LAMA2: variants seen among roughly 807,000 people sequenced by gnomAD.
The protein encoded by LAMA2 is laminin subunit alpha 2, also known as laminin subunit alpha-2.
A neutral mutation model predicts 364.8 loss-of-function variants in LAMA2; 269 were observed. The ratio of observed to expected loss-of-function variants is 0.74; its 90% CI spans 0.67 to 0.82. The LOEUF (loss-of-function observed/expected upper bound fraction) is 0.82. LAMA2 is among the 40% of genes least tolerant of loss of function. The probability of loss-of-function intolerance (pLI) is 0.00; values close to 1 mark genes in which losing one functional copy is unlikely to be tolerated. For missense variants in LAMA2, 3,807 were observed against 3,873.2 expected (o/e 0.98, Z 0.45); for synonymous variants, 1,379 against 1,370.6 (o/e 1.01, Z -0.14).
At chr6:129,369,201 T>G (rs1048423293) in intron 33 of LAMA2, among the ~76,000 whole-genome samples, 1 of 152,144 alleles carries the variant, frequency 6.6e-6, no homozygotes, top group Non-Finnish European at 1.5e-5. Flanking sequence ...AATGGGAGGT[T>G]GGGGTAGTTT....
At chr6:129,084,343 T>C (rs1156760170) in intron 3 of LAMA2, among the ~76,000 whole-genome samples, 1 of 152,200 alleles carries the variant, frequency 6.6e-6, no homozygotes, top group Non-Finnish European at 1.5e-5. Flanking sequence ...CATCTTTAAA[T>C]AATTTCATTT....
At chr6:129,276,768 CTTAAGT>C (rs1203119022) in intron 17 of LAMA2, among the ~76,000 whole-genome samples, 3 of 152,040 alleles carry the variant, frequency 2.0e-5, no homozygotes, top group African/African-American at 7.2e-5. Flanking sequence ...TAAATACACC[CTTAAGT>C]TTATCTTTTT....
intron 8 of LAMA2, chr6:129,158,197 T>C: frequency 2.5e-6 from 4 of 1,613,586 alleles, no homozygotes; most frequent in Non-Finnish European, 3.4e-6. Context: ...TGGTAATCAG[T>C]AATCAAATAG....
intron 1 of LAMA2, among the ~76,000 whole-genome samples, chr6:128,957,836 A>ATTTTTTTTTTTTTTTTTTTTTTTTTTT (rs10652900): frequency 3.9e-5 from 2 of 51,264 alleles, no homozygotes; most frequent in Non-Finnish European, 6.8e-5. Flanking sequence ...TACTTCATGC[A>ATTTTTTTTTTTTTTTTTTTTTTTTTTT]TTTTTTTTTT....
chr6:129,458,759 A>G (rs1405611514), intron 48 of LAMA2, among the ~76,000 whole-genome samples: 4 of 152,070 alleles, frequency 2.6e-5, no homozygotes, highest in Admixed American at 2.0e-4. Context: ...GCAGTAGGCT[A>G]TACCATAGAG....
intron 58 of LAMA2, among the ~76,000 whole-genome samples, chr6:129,496,458 G>A (rs192411199): frequency 3.9e-5 from 6 of 152,202 alleles, no homozygotes; most frequent in East Asian, 3.9e-4. Flanking sequence ...GAGACACTGC[G>A]CCCGGCCTAT....
chr6:129,476,057 A>T (rs1268654633), intron 53 of LAMA2, among the ~76,000 whole-genome samples: 1 of 152,192 alleles, frequency 6.6e-6, no homozygotes, highest in African/African-American at 2.4e-5. Flanking sequence ...TCTCAGGAGC[A>T]TTTTAATTCT....
chr6:129,185,024 T>C (rs17728853), intron 10 of LAMA2, among the ~76,000 whole-genome samples: 13,746 of 151,910 alleles, frequency 0.09, 709 homozygotes, highest in Non-Finnish European at 0.12. Flanking sequence ...CTAGGATGCA[T>C]TAGTCTAAAG....
intron 41 of LAMA2, among the ~76,000 whole-genome samples, chr6:129,433,201 T>C (rs960852663): frequency 6.6e-6 from 1 of 152,090 alleles, no homozygotes; most frequent in African/African-American, 2.4e-5. Context: ...TCCGAATCAT[T>C]GTCACCAAAT....
intron 52 of LAMA2, among the ~76,000 whole-genome samples, chr6:129,473,832 C>A (rs1170421332): frequency 6.6e-6 from 1 of 151,998 alleles, no homozygotes. Context: ...ATTAGTTGTT[C>A]TCATGCCCAT....
chr6:128,957,011 A>G (rs1252593882), intron 1 of LAMA2, among the ~76,000 whole-genome samples: 4 of 152,134 alleles, frequency 2.6e-5, no homozygotes, highest in Non-Finnish European at 5.9e-5. Flanking sequence ...GAAGATGATA[A>G]TGTTTCGAGA....
chr6:129,224,390 G>T (rs939416662), intron 12 of LAMA2, among the ~76,000 whole-genome samples: 1 of 152,190 alleles, frequency 6.6e-6, no homozygotes, highest in African/African-American at 2.4e-5. Flanking sequence ...ATGTTGAATA[G>T]GAGTGGTGAG....
chr6:129,458,299 G>A (rs1362630878), intron 48 of LAMA2, among the ~76,000 whole-genome samples: 1 of 151,876 alleles, frequency 6.6e-6, no homozygotes, highest in Non-Finnish European at 1.5e-5. Context: ...ACCTTAAATT[G>A]TACCTTAATA....
At chr6:128,975,076 T>A (rs1782442892) in intron 1 of LAMA2, among the ~76,000 whole-genome samples, 1 of 152,046 alleles carries the variant, frequency 6.6e-6, no homozygotes. Flanking sequence ...ATGGTCTTGA[T>A]CTCCTGACCT....
At chr6:128,996,249 A>G (rs1241558562) in intron 1 of LAMA2, among the ~76,000 whole-genome samples, 1 of 152,132 alleles carries the variant, frequency 6.6e-6, no homozygotes. Context: ...AGATCGGGGA[A>G]ATGAGCACAT....
intron 12 of LAMA2, among the ~76,000 whole-genome samples, chr6:129,227,087 T>G (rs1165000545): frequency 6.6e-6 from 1 of 152,202 alleles, no homozygotes; most frequent in Non-Finnish European, 1.5e-5. Context: ...CATTTGATCT[T>G]CAATCACTGA....
intron 40 of LAMA2, among the ~76,000 whole-genome samples, chr6:129,417,397 T>A (rs1182548547): frequency 6.6e-6 from 1 of 152,110 alleles, no homozygotes; most frequent in Non-Finnish European, 1.5e-5. Context: ...CATCCTGTTG[T>A]CTGCCCACGT....
At position 129,403,865 on chromosome 6, in the gene LAMA2, C is replaced by G. The variant is rs536077288; in HGVS notation, c.5771C>G (p.Ala1924Gly). The G allele has an allele frequency of 1.2e-6, 2 of 1,613,752 alleles. No individual in the cohort carries two copies. Among genetic ancestry groups the G allele is most frequent in the Admixed American group, 1.7e-5 (1 of 60,022 alleles). The stretch of plus-strand genomic sequence containing the variant: ...AACATCTCCTTCAATGCCACTGCAG[C>G]CTTCAAAGCTTACAGCAATATTAAG... ...AKNISFNATA[A>G]FKAYSNIKDY... Residue 1924 changes from alanine to glycine, a missense_variant, in exon 40 of 65, where the codon GCC (alanine) becomes GGC (glycine). By Grantham distance (60) the Ala-to-Gly change is moderately conservative. Transcript: ENST00000421865.
intron 37 of LAMA2, among the ~76,000 whole-genome samples, chr6:129,397,679 G>C (rs1171556742): frequency 6.6e-6 from 1 of 151,932 alleles, no homozygotes; most frequent in Non-Finnish European, 1.5e-5. Context: ...ACTCTGGGAG[G>C]CTGAGGCAGG....
Sources: allele counts gnomAD v4.1 joint callset (sites outside exome capture counted in the v4.1 genomes callset), GRCh38; gene constraint gnomAD v4.1.1; transcripts MANE v1.5; gene names NCBI Gene and HGNC (gene_info 2026-07-23, HGNC 2026-07-21).